Variants in PABPN1 observed in about 807,000 individuals in gnomAD.
The protein encoded by PABPN1 is poly(A) binding protein nuclear 1.
A neutral mutation model predicts 33.4 loss-of-function variants in PABPN1; 5 were observed. The ratio of observed to expected loss-of-function variants is 0.15; its 90% CI spans 0.08 to 0.32. The LOEUF (loss-of-function observed/expected upper bound fraction) is 0.32. Ranked by LOEUF, PABPN1 falls within the 10% of genes least tolerant of loss-of-function variation. PABPN1 has a pLI of 1.00. For missense variants in PABPN1, 312 were observed against 425.8 expected, an observed-to-expected ratio of 0.73 and a Z score of 2.35; for synonymous variants, 176 against 170.6, an observed-to-expected ratio of 1.03 and a Z score of -0.25.
In PABPN1 at chr14:23,321,548, C is replaced by T. The variant is rs1016310389; in HGVS notation, c.79C>T (p.Leu27Phe). Residue 27 changes from leucine (L) to phenylalanine (F), a missense_variant, in exon 1 of 7, where the codon CTT (leucine) becomes TTT (phenylalanine). Physicochemically the swap from Leu to Phe is conservative, Grantham distance 22. Around this residue, in one of 3 missense-constraint regions of PABPN1, gnomAD observed 167 missense variants for 168.9 expected, o/e 0.99. Transcript: ENST00000216727. ...CTCCGGGCCGGGGCGGCGGCGCCATCTTGTGCCCGGGGCCGGTGGGGAGGC... is the reference window on the plus strand; with the variant it reads ...CTCCGGGCCGGGGCGGCGGCGCCATTTTGTGCCCGGGGCCGGTGGGGAGGC... ...RGSGPGRRRH[L>F]VPGAGGEAGE... 2 of 1,356,494 alleles carry T rather than the reference C, an allele frequency of 1.5e-6. No homozygotes were observed. The highest frequency in any genetic ancestry group is 2.9e-5 in the Admixed American group (1 of 34,818). 84.0% of individuals were successfully genotyped at this position (1,356,494 alleles called of 1,614,324 possible).
In PABPN1 at chr14:23,325,498, G is replaced by C. The variant is rs1437730287; in HGVS notation, c.*212G>C. On this transcript the variant is annotated 3_prime_UTR_variant, in exon 7 of 7. Coordinates refer to ENST00000216727, the MANE Select transcript of PABPN1 (RefSeq NM_004643.4). The stretch of plus-strand genomic sequence containing the variant: ...GGAGTAGGGGAAGGCCCAGGGAGTG[G>C]GGCAGGGGGCTGCTTATTCACTCTG... 2 of 618,362 alleles carry C rather than the reference G, an allele frequency of 3.2e-6. No individual in the cohort carries two copies. Among genetic ancestry groups the C allele is most frequent in the Non-Finnish European group, 5.5e-6 (2 of 366,090 alleles). 38.3% of individuals were successfully genotyped at this position (618,362 alleles called of 1,614,324 possible). A position where few individuals can be genotyped will look rare whatever the true frequency, so the allele number is the denominator to read the frequency against.
chr14:23,322,367 T>G, intron 2 of PABPN1, 72 bp downstream of exon 2: 2 of 1,350,602 alleles, frequency 1.5e-6, no homozygotes, highest in Non-Finnish European at 2.1e-6. Context: ...ATGGGGAATG[T>G]GGGGTTAGAT....
At position 23,323,198 on chromosome 14, in the gene PABPN1, G is replaced by A; in HGVS notation, c.534+132G>A. The A allele has an allele frequency of 2.9e-6, 4 of 1,356,380 alleles. No individual in the cohort carries two copies. In the South Asian group the frequency reaches 4.8e-5, roughly 16 times the overall value. The allele number at this position is 1,356,380 out of a possible 1,614,324, so 84.0% of individuals were successfully genotyped here. On this transcript the variant is annotated intron_variant, in intron 3 of 6. Transcript: ENST00000216727. ...GAGGGAGTGTGGGAAGGAGGTTAAA[G>A]GTAATGGAATGATCAGTAATCAGCA... is the stretch of plus-strand genomic sequence containing the variant.
intron 6 of PABPN1, 152 bp from the exon 7 acceptor site, chr14:23,325,095 A>C: frequency 9.8e-7 from 1 of 1,015,348 alleles, no homozygotes; most frequent in Non-Finnish European, 1.4e-6. Context: ...GTGCGTTACT[A>C]TTTCTGGGAT....
At position 23,324,186 on chromosome 14, in the gene PABPN1, G is replaced by A. The variant is rs1311819635; in HGVS notation, c.778G>A (p.Gly260Ser). Residue 260 changes from glycine (G) to serine (S), a missense_variant, in exon 6 of 7, where the codon GGT becomes AGT. Gly to Ser is a moderately conservative substitution (Grantham distance 56). Around this residue, in one of 3 missense-constraint regions of PABPN1, gnomAD observed 77 missense variants for 185.7 expected, o/e 0.41. Transcript: ENST00000216727. ...NRPGISTTDRGFPRARYRART... is the reference protein window; with the variant it reads ...NRPGISTTDRSFPRARYRART... ...ACCAGGCATCAGCACAACAGACCGG[G>A]GTTTTCCACGAGCCCGCTACCGCGC... 6.2e-7 allele frequency: 1 copy of A among 1,614,050 alleles called. No individual in the cohort carries two copies. Among genetic ancestry groups the A allele is most frequent in the Non-Finnish European group, 8.5e-7 (1 of 1,180,044 alleles).
chr14:23,324,616 A>G (rs1330951097), intron 6 of PABPN1: 1 of 532,198 alleles, frequency 1.9e-6, no homozygotes, highest in South Asian at 2.2e-5. Context: ...GCCTCCAGGC[A>G]GTGAAAGCAC....
rs1401656265 is a variant in PABPN1 at position 23,321,490 on chromosome 14, GGCA to G, written c.30_32del (p.Ala11del). 7 of 1,198,106 alleles carry G rather than the reference GGCA, an allele frequency of 5.8e-6. No homozygotes were observed. The highest frequency in any genetic ancestry group is 7.2e-6 in the Non-Finnish European group (7 of 965,616). 74.2% of individuals were successfully genotyped at this position (1,198,106 alleles called of 1,614,324 possible). On this transcript the variant is annotated inframe_deletion, in exon 1 of 7. Transcript: ENST00000216727. ...CGGCGATGGCGGCGGCGGCGGCGGC[GGCA>G]GCAGCAGCGGGGGCTGCGGGCGGTC... is the stretch of plus-strand genomic sequence containing the variant.
chr14:23,324,486 A>G (rs2138481825), intron 6 of PABPN1, 197 bp downstream of exon 6: 1 of 689,086 alleles, frequency 1.5e-6, no homozygotes. Flanking sequence ...TCTGCAGTAG[A>G]AATTGGTGAT....
chr14:23,321,927 G>GGGGGGGGGGGGGGGGCCA (rs1888323442), intron 1 of PABPN1, 107 bp downstream of exon 1: 1 of 458,118 alleles, frequency 2.2e-6, no homozygotes, highest in Non-Finnish European at 4.0e-6. Context: ...GTTGGGCGGG[G>GGGGGGGGGGGGGGGGCCA]AATAACGTGG....
chr14:23,324,081 T>C (rs763159536), intron 5 of PABPN1, 29 bp downstream of exon 5: 2 of 1,614,054 alleles, frequency 1.2e-6, no homozygotes, highest in East Asian at 2.2e-5. Context: ...CTGTTCTAGT[T>C]GTGTATAAAC....
chr14:23,321,856 T>TGGCC, intron 1 of PABPN1, 36 bp downstream of exon 1: 1 of 1,172,188 alleles, frequency 8.5e-7, no homozygotes, highest in Non-Finnish European at 1.1e-6. Flanking sequence ...GGCCGGCGGC[T>TGGCC]GGCCGGCCGG....
At position 23,323,366 on chromosome 14, in the gene PABPN1, C is replaced by G. The variant is rs772962837; in HGVS notation, c.535-11C>G. 6.2e-7 allele frequency: 1 copy of G among 1,612,540 alleles called. No homozygotes were observed. Among genetic ancestry groups the G allele is most frequent in the Non-Finnish European group, 8.5e-7 (1 of 1,179,774 alleles). On this transcript the variant is annotated splice_polypyrimidine_tract_variant and intron_variant, in intron 3 of 6. Transcript: ENST00000216727. ...TGCCTGGTGCCTGTGAAATTTTTCT[C>G]CTCTCATCAGGTGGACTATGGTGCA...
chr14:23,323,622 A>G lies in PABPN1; in HGVS notation c.641+139A>G, dbSNP rs1888499541. On this transcript the variant is annotated intron_variant, in intron 4 of 6. Transcript: ENST00000216727. ...TTAAGATCATGGCATTAATGTTGAT[A>G]TATCAGGAGTTGCACCTAAATGTCT... 9.9e-6 allele frequency: 9 copies of G among 905,694 alleles called. No individual in the cohort carries two copies. The Admixed American group carries it at 1.2e-4, about 12-fold the overall frequency. The allele number at this position is 905,694 out of a possible 1,614,324, so 56.1% of individuals were successfully genotyped here. A position where few individuals can be genotyped will look rare whatever the true frequency, so the allele number is the denominator to read the frequency against.
chr14:23,321,614 G>A lies in PABPN1; in HGVS notation c.145G>A (p.Gly49Ser), dbSNP rs1174790932. Residue 49 changes from glycine to serine, a missense_variant, in exon 1 of 7, where the codon GGC becomes AGC. Coordinates refer to ENST00000216727, the MANE Select transcript of PABPN1 (RefSeq NM_004643.4). Reference sequence around the variant, plus strand: ...GGGGGGCGCAGGGGACTACGGGAACGGCCTGGAGTCTGAGGAACTGGAGCC... The same window carrying A: ...GGGGGGCGCAGGGGACTACGGGAACAGCCTGGAGTCTGAGGAACTGGAGCC... ...APGGAGDYGN[G>S]LESEELEPEE... 1.3e-6 allele frequency: 2 copies of A among 1,518,064 alleles called. No individual in the cohort carries two copies. Among genetic ancestry groups the A allele is most frequent in the Non-Finnish European group, 1.8e-6 (2 of 1,124,188 alleles). The allele number at this position is 1,518,064 out of a possible 1,614,324, so 94.0% of individuals were successfully genotyped here.
chr14:23,325,115 A>G lies in PABPN1; in HGVS notation c.882-132A>G, dbSNP rs13244. The G allele has an allele frequency of 0.015, 17,815 of 1,194,692 alleles. 1,769 individuals carry two copies. The African/African-American group carries it at 0.23, about 15-fold the overall frequency. 74.0% of individuals were successfully genotyped at this position (1,194,692 alleles called of 1,614,324 possible). On this transcript the variant is annotated intron_variant, in intron 6 of 6. Coordinates refer to ENST00000216727, the MANE Select transcript of PABPN1 (RefSeq NM_004643.4). ...TTACTATTTCTGGGATCATGGGGTC[A>G]GTTTTAGGACACTTGAACACTTCTT...
chr14:23,321,835 G>A lies in PABPN1; in HGVS notation c.351+15G>A. 1.4e-6 allele frequency: 2 copies of A among 1,446,634 alleles called. No homozygotes were observed. Among genetic ancestry groups the A allele is most frequent in the East Asian group, 2.5e-5 (1 of 39,382 alleles). The allele number at this position is 1,446,634 out of a possible 1,614,324, so 89.6% of individuals were successfully genotyped here. Reference sequence around the variant, plus strand: ...TTGAGGACCCGGTGAGGGAAGGAGGGCGAGCGAGCAGGCCGGCGGCTGGCC... The same window carrying A: ...TTGAGGACCCGGTGAGGGAAGGAGGACGAGCGAGCAGGCCGGCGGCTGGCC... On this transcript the variant is annotated intron_variant, in intron 1 of 6. Transcript: ENST00000216727.
At position 23,321,730 on chromosome 14, in the gene PABPN1, G is replaced by A; in HGVS notation, c.261G>A (p.Gly87=). ...CCCCCCCGGGAGCTCCGGGCCCTGG[G>A]CCTGGTTCGGGAGCCCCCGGCAGCC... ...PRAPPGAPGP[G]PGSGAPGSQE... The change falls in exon 1 of 7, where the codon GGG becomes GGA. Residue 87 remains glycine, a synonymous_variant. Transcript: ENST00000216727. 1 of 1,542,424 alleles carries A rather than the reference G, an allele frequency of 6.5e-7. No individual in the cohort carries two copies. Among genetic ancestry groups the A allele is most frequent in the Non-Finnish European group, 8.7e-7 (1 of 1,144,044 alleles).
At chr14:23,324,606 G>A (rs1438827845) in intron 6 of PABPN1, 1 of 543,744 alleles carries the variant, frequency 1.8e-6, no homozygotes, top group African/African-American at 1.9e-5. Flanking sequence ...GAGGAACAGG[G>A]CCTCCAGGCA....
chr14:23,323,695 G>A (rs568701117), intron 4 of PABPN1, among the ~76,000 whole-genome samples: 99 of 152,274 alleles, frequency 6.5e-4, no homozygotes, highest in Admixed American at 1.4e-3. Flanking sequence ...GTGGGATTAC[G>A]AACTAGAAGG....
Sources: gnomAD v4.1 joint callset for allele counts (sites outside exome capture counted in the v4.1 genomes callset) on GRCh38, gnomAD v4.1.1 for gene constraint, gnomAD v4.1.1 regional missense constraint, MANE v1.5 for transcripts, NCBI Gene and HGNC (gene_info 2026-07-23, HGNC 2026-07-21) for gene names.